TG: variants seen among roughly 807,000 people sequenced by gnomAD.
TG encodes thyroglobulin, also known as thyroid hormones.
A neutral mutation model predicts 324.7 loss-of-function variants in TG; 270 were observed. The ratio of observed to expected loss-of-function variants is 0.83; its 90% CI spans 0.75 to 0.92. The LOEUF is 0.92. TG is among the 40% of genes least tolerant of loss of function. The pLI is 0.00. For synonymous variants in TG, 1,401 were observed against 1,327.0 expected (o/e 1.06, Z -1.21); for missense variants, 3,591 against 3,456.4 (o/e 1.04, Z -0.98).
At chr8:132,958,795 A>G (rs1452624997) in intron 27 of TG, among the ~76,000 whole-genome samples, 2 of 152,224 alleles carry the variant, frequency 1.3e-5, no homozygotes, top group African/African-American at 4.8e-5. Context: ...AAATAAGCAA[A>G]TGATGATATC....
chr8:132,921,821 GTA>G (rs1269129116), intron 21 of TG, among the ~76,000 whole-genome samples: 1 of 152,168 alleles, frequency 6.6e-6, no homozygotes, highest in Non-Finnish European at 1.5e-5. Flanking sequence ...GACATGCAAA[GTA>G]TTCTATTTAA....
intron 41 of TG, among the ~76,000 whole-genome samples, chr8:133,044,072 A>G (rs1838834272): frequency 6.6e-6 from 1 of 152,210 alleles, no homozygotes; most frequent in Non-Finnish European, 1.5e-5. Flanking sequence ...TCTGCCTGGC[A>G]TAGATGAAGA....
chr8:132,924,061 A>T (rs1359743688), intron 22 of TG, among the ~76,000 whole-genome samples: 1 of 152,102 alleles, frequency 6.6e-6, no homozygotes, highest in Non-Finnish European at 1.5e-5. Flanking sequence ...TGAAATAATT[A>T]TACAACTCAC....
At chr8:132,878,122 A>T (rs1317280585) in intron 5 of TG, among the ~76,000 whole-genome samples, 1 of 152,190 alleles carries the variant, frequency 6.6e-6, no homozygotes, top group African/African-American at 2.4e-5. Flanking sequence ...AAAGAAAAAA[A>T]TAGTCTAAGT....
chr8:132,966,486 GTTTC>G, intron 29 of TG, 70 bp from the exon 30 acceptor site: 1 of 1,527,934 alleles, frequency 6.5e-7, no homozygotes, highest in Non-Finnish European at 9.1e-7. Flanking sequence ...GTGTGTGTGT[GTTTC>G]TTTCTTGTGT....
intron 14 of TG, 67 bp downstream of exon 14, chr8:132,898,977 T>C (rs993063041): frequency 2.9e-6 from 4 of 1,360,946 alleles, no homozygotes; most frequent in Admixed American, 1.9e-5. Flanking sequence ...GATTTTTCTT[T>C]TTGTTCAATA....
intron 36 of TG, among the ~76,000 whole-genome samples, chr8:133,013,138 A>C (rs1834667035): frequency 6.6e-6 from 1 of 152,248 alleles, no homozygotes; most frequent in African/African-American, 2.4e-5. Flanking sequence ...TAAACAAAAA[A>C]GACCTTAATG....
rs531867064 is a variant in TG, at chr8:133,093,044, C to T, written c.7240-2000C>T. 2.6e-5 allele frequency among the ~76,000 whole-genome samples: 4 copies of T among 152,192 alleles called. No homozygotes were observed. In the East Asian group the frequency reaches 5.8e-4, roughly 22 times the overall value. ...GACATTCACATCTCCTCTCTGCCTGCCTGTGGGCCCTTCTGCTGTTTGCTA... is the reference window on the plus strand; with the variant it reads ...GACATTCACATCTCCTCTCTGCCTGTCTGTGGGCCCTTCTGCTGTTTGCTA... On this transcript the variant is annotated intron_variant, in intron 41 of 47. Transcript: ENST00000220616.
At chr8:133,010,495 A>T (rs1834410475) in intron 35 of TG, among the ~76,000 whole-genome samples, 1 of 152,356 alleles carries the variant, frequency 6.6e-6, no homozygotes. Flanking sequence ...AGGTGTGTGT[A>T]TGTTACAGAG....
chr8:132,928,157 A>G, intron 22 of TG, among the ~76,000 whole-genome samples: 1 of 152,262 alleles, frequency 6.6e-6, no homozygotes, highest in South Asian at 2.1e-4. Flanking sequence ...AAGCTGAGAA[A>G]AAATCACTTT....
At chr8:133,099,557 T>A (rs1848939382) in intron 43 of TG, among the ~76,000 whole-genome samples, 2 of 152,194 alleles carry the variant, frequency 1.3e-5, no homozygotes, top group African/African-American at 4.8e-5. Flanking sequence ...CCACTTGACA[T>A]CTTCACTTAC....
chr8:133,065,193 T>C (rs568969982), intron 41 of TG, among the ~76,000 whole-genome samples: 12 of 152,182 alleles, frequency 7.9e-5, no homozygotes, highest in Non-Finnish European at 1.5e-4. Flanking sequence ...CATCCCACAA[T>C]TGGTCAGCAA....
chr8:132,982,516 GA>G (rs1831010278), intron 34 of TG, among the ~76,000 whole-genome samples: 1 of 152,200 alleles, frequency 6.6e-6, no homozygotes, highest in African/African-American at 2.4e-5. Flanking sequence ...TGCTGAAACT[GA>G]AAATAGAGGA....
intron 26 of TG, among the ~76,000 whole-genome samples, chr8:132,948,187 CA>C (rs33977194): frequency 6.6e-5 from 10 of 151,090 alleles, no homozygotes; most frequent in African/African-American, 2.5e-4. Context: ...CGTCCCCCCC[CA>C]AAAAAAGTTT....
chr8:133,047,992 G>A, intron 41 of TG: 1 of 1,013,324 alleles, frequency 9.9e-7, no homozygotes, highest in South Asian at 1.4e-5. Flanking sequence ...AGGAAAGGCA[G>A]GAATGCGCCA....
chr8:132,955,213 A>G (rs531695398), intron 27 of TG, among the ~76,000 whole-genome samples: 10 of 152,276 alleles, frequency 6.6e-5, no homozygotes, highest in African/African-American at 2.2e-4. Flanking sequence ...TCACTAGTGG[A>G]TTGTAATGAA....
chr8:133,004,970 T>C (rs749209400), intron 35 of TG, among the ~76,000 whole-genome samples: 4 of 152,068 alleles, frequency 2.6e-5, no homozygotes, highest in African/African-American at 9.7e-5. Flanking sequence ...TAGACTCCAC[T>C]GGGAGGAGGC....
chr8:133,074,944 G>T (rs564630279), intron 41 of TG: 54 of 985,526 alleles, frequency 5.5e-5, no homozygotes, highest in Middle Eastern at 1.0e-3. Flanking sequence ...AACTGCTGCT[G>T]CTCCAGAATA....
chr8:133,029,545 A>G (rs190346056), intron 40 of TG, among the ~76,000 whole-genome samples: 3 of 152,302 alleles, frequency 2.0e-5, no homozygotes, highest in East Asian at 3.9e-4. Flanking sequence ...AGTTGTAAGG[A>G]CATGATCAAG....
Sources: gnomAD v4.1 joint callset for allele counts (sites outside exome capture counted in the v4.1 genomes callset) on GRCh38, gnomAD v4.1.1 for gene constraint, MANE v1.5 for transcripts, NCBI Gene and HGNC (gene_info 2026-07-23, HGNC 2026-07-21) for gene names.